GRID2: variants seen among roughly 807,000 people sequenced by gnomAD.
The protein encoded by GRID2 is glutamate ionotropic receptor delta type subunit 2.
GRID2 carries 33 observed loss-of-function variants against 114.8 expected under a neutral mutation model. That is an observed-to-expected ratio of 0.29 (90% CI 0.22 to 0.38). The LOEUF (loss-of-function observed/expected upper bound fraction) is 0.38. Ranked by LOEUF, GRID2 falls within the 10% of genes least tolerant of loss-of-function variation. GRID2 has a pLI of 1.00. For missense variants in GRID2, 1,184 were observed against 1,257.7 expected (o/e 0.94, Z 0.89); for synonymous variants, 505 against 449.9 (o/e 1.12, Z -1.55).
At chr4:93,319,378 T>G (rs1756997686) in intron 8 of GRID2, among the ~76,000 whole-genome samples, 1 of 152,124 alleles carries the variant, frequency 6.6e-6, no homozygotes, top group African/African-American at 2.4e-5. Flanking sequence ...ATTTCTTAAT[T>G]TAGCTCAGGA....
chr4:92,718,011 A>C (rs945280391), intron 2 of GRID2, among the ~76,000 whole-genome samples: 1 of 152,150 alleles, frequency 6.6e-6, no homozygotes, highest in African/African-American at 2.4e-5. Flanking sequence ...ATATTTACTA[A>C]ATTTATGTTT....
intron 8 of GRID2, among the ~76,000 whole-genome samples, chr4:93,290,871 A>ATT (rs1753665109): frequency 3.2e-5 from 3 of 93,634 alleles, no homozygotes; most frequent in African/African-American, 8.6e-5. Context: ...CATACAAGTT[A>ATT]CTTTTTTTTT....
chr4:93,140,162 T>TTTC (rs1321186942), intron 4 of GRID2, among the ~76,000 whole-genome samples: 3 of 141,194 alleles, frequency 2.1e-5, no homozygotes, highest in African/African-American at 8.3e-5. Context: ...TTTCTTTTCT[T>TTTC]TTTTTTTTTT....
At chr4:92,702,507 T>C (rs1230085190) in intron 2 of GRID2, 1 of 152,058 alleles carries the variant, frequency 6.6e-6, no homozygotes, top group African/African-American at 2.4e-5. Context: ...AATAAAACTT[T>C]TCACTAAAGA....
chr4:93,742,360 A>G (rs1239207627), intron 14 of GRID2, among the ~76,000 whole-genome samples: 1 of 152,200 alleles, frequency 6.6e-6, no homozygotes, highest in Non-Finnish European at 1.5e-5. Context: ...TATTACTCTC[A>G]TAGAGTATTC....
intron 1 of GRID2, among the ~76,000 whole-genome samples, chr4:92,406,475 T>C (rs570149285): frequency 7.9e-5 from 12 of 152,224 alleles, no homozygotes; most frequent in African/African-American, 2.6e-4. Context: ...AATGAGGACA[T>C]TGTGTGCAAA....
intron 8 of GRID2, among the ~76,000 whole-genome samples, chr4:93,244,001 A>G (rs1343580002): frequency 6.6e-6 from 1 of 152,096 alleles, no homozygotes; most frequent in Non-Finnish European, 1.5e-5. Context: ...AATTTGAGCA[A>G]AAGTTATTAT....
At chr4:93,466,577 T>C (rs1022530293) in intron 11 of GRID2, among the ~76,000 whole-genome samples, 6 of 152,112 alleles carry the variant, frequency 3.9e-5, no homozygotes, top group African/African-American at 1.2e-4. Context: ...TTTTGGATCA[T>C]TGGGTCATTA....
chr4:93,277,643 C>CAGAGAAGAGGAATA (rs1752199126), intron 8 of GRID2, among the ~76,000 whole-genome samples: 1 of 151,830 alleles, frequency 6.6e-6, no homozygotes, highest in Non-Finnish European at 1.5e-5. Context: ...ACACATTGAA[C>CAGAGAAGAGGAATA]ATATTAGCTA....
At chr4:93,263,439 T>C (rs1324336271) in intron 8 of GRID2, among the ~76,000 whole-genome samples, 1 of 152,040 alleles carries the variant, frequency 6.6e-6, no homozygotes, top group Admixed American at 6.6e-5. Context: ...TTTTTTTTTG[T>C]ATGGCATTCT....
intron 2 of GRID2, among the ~76,000 whole-genome samples, chr4:93,058,803 T>G (rs1192424332): frequency 1.3e-5 from 2 of 152,190 alleles, no homozygotes; most frequent in East Asian, 3.9e-4. Context: ...TAAAAGTATC[T>G]TTCATTTGGC....
chr4:92,632,881 C>T (rs1730879400), intron 2 of GRID2, among the ~76,000 whole-genome samples: 1 of 152,020 alleles, frequency 6.6e-6, no homozygotes, highest in East Asian at 1.9e-4. Flanking sequence ...AAAATAATTT[C>T]GGATTTCATT....
intron 14 of GRID2, among the ~76,000 whole-genome samples, chr4:93,677,637 C>G (rs969219555): frequency 4.6e-5 from 7 of 152,184 alleles, no homozygotes; most frequent in African/African-American, 1.7e-4. Context: ...ATCCGCGGTT[C>G]TGCAGACACC....
At chr4:92,827,410 A>T (rs538187753) in intron 2 of GRID2, among the ~76,000 whole-genome samples, 1 of 151,750 alleles carries the variant, frequency 6.6e-6, no homozygotes, top group South Asian at 2.1e-4. Flanking sequence ...TTTAAAAAAA[A>T]AAAAAAAAAG....
chr4:93,246,022 G>A (rs1256092476), intron 8 of GRID2, among the ~76,000 whole-genome samples: 1 of 152,166 alleles, frequency 6.6e-6, no homozygotes, highest in Non-Finnish European at 1.5e-5. Context: ...CAGTCACAGT[G>A]ATAGCATGAA....
At chr4:93,211,112 C>A (rs535020281) in intron 5 of GRID2, among the ~76,000 whole-genome samples, 4 of 151,802 alleles carry the variant, frequency 2.6e-5, no homozygotes, top group African/African-American at 4.8e-5. Flanking sequence ...CAGAAGGAAC[C>A]CCTTAATTAA....
At chr4:93,675,789 A>G (rs1404588976) in intron 14 of GRID2, among the ~76,000 whole-genome samples, 2 of 152,196 alleles carry the variant, frequency 1.3e-5, no homozygotes, top group Non-Finnish European at 1.5e-5. Flanking sequence ...TTTATTTTTG[A>G]TCATAGAATA....
At chr4:92,786,015 CA>C (rs1285907905) in intron 2 of GRID2, among the ~76,000 whole-genome samples, 1 of 151,698 alleles carries the variant, frequency 6.6e-6, no homozygotes, top group Non-Finnish European at 1.5e-5. Flanking sequence ...AACAAAGGCA[CA>C]AGTGTTCATG....
At chr4:92,934,207 A>G (rs921350336) in intron 2 of GRID2, among the ~76,000 whole-genome samples, 4 of 151,446 alleles carry the variant, frequency 2.6e-5, no homozygotes, top group Non-Finnish European at 4.4e-5. Context: ...CTTTTATTTC[A>G]TTGAGCAGTG....
Sources: gnomAD v4.1 joint callset for allele counts (sites outside exome capture counted in the v4.1 genomes callset) on GRCh38, gnomAD v4.1.1 for gene constraint, MANE v1.5 for transcripts, NCBI Gene and HGNC (gene_info 2026-07-23, HGNC 2026-07-21) for gene names.